PCBP3: variants seen among roughly 807,000 people sequenced by gnomAD.
PCBP3 encodes the protein poly(rC)-binding protein 3.
Under a neutral mutation model 52.7 loss-of-function variants are expected in PCBP3, and 25 were observed. That is an observed-to-expected ratio of 0.47 (90% CI 0.35 to 0.66). The LOEUF (loss-of-function observed/expected upper bound fraction) is 0.66, where lower values mean the gene tolerates loss of function less well. PCBP3 is among the 30% of genes least tolerant of loss of function. PCBP3 has a pLI of 0.01. For synonymous variants in PCBP3, 162 were observed against 183.0 expected (o/e 0.89, Z 0.93); for missense variants, 391 against 490.3 (o/e 0.80, Z 1.91).
intron 2 of PCBP3, among the ~76,000 whole-genome samples, chr21:45,690,733 C>A (rs2082413077): frequency 6.6e-6 from 1 of 151,934 alleles, no homozygotes; most frequent in South Asian, 2.1e-4. Flanking sequence ...CATTAGTCTT[C>A]AGGAAAATGA....
At chr21:45,758,428 T>C (rs2088287644) in intron 4 of PCBP3, among the ~76,000 whole-genome samples, 1 of 152,206 alleles carries the variant, frequency 6.6e-6, no homozygotes, top group Non-Finnish European at 1.5e-5. Context: ...TATGAAGTCT[T>C]TCAGTCAGGA....
chr21:45,716,887 A>T (rs1276962760), intron 2 of PCBP3, among the ~76,000 whole-genome samples: 1 of 152,128 alleles, frequency 6.6e-6, no homozygotes, highest in Non-Finnish European at 1.5e-5. Flanking sequence ...CAGCTTGTCA[A>T]TTTCTGTCAG....
chr21:45,896,192 T>G lies in PCBP3; in HGVS notation c.11-16T>G, dbSNP rs1286243765. 1 of 1,550,630 alleles carries G rather than the reference T, an allele frequency of 6.4e-7. No homozygotes were observed. Among genetic ancestry groups the G allele is most frequent in the Non-Finnish European group, 8.7e-7 (1 of 1,146,776 alleles). On this transcript the variant is annotated splice_polypyrimidine_tract_variant and intron_variant, in intron 5 of 17. Coordinates refer to ENST00000681687, the MANE Select transcript of PCBP3 (RefSeq NM_001384156.1). ...TGAGACTCTTCTCTAGCAGCAGCTG[T>G]GCCTTCTCTCTCCAGGTGACGCCTT...
chr21:45,907,858 G>T (rs374830424), intron 9 of PCBP3, among the ~76,000 whole-genome samples: 3 of 151,578 alleles, frequency 2.0e-5, no homozygotes, highest in East Asian at 1.9e-4. Context: ...AGGACGGGGC[G>T]GGGGGAGTGC....
intron 2 of PCBP3, among the ~76,000 whole-genome samples, chr21:45,702,182 A>G (rs922727455): frequency 1.3e-5 from 2 of 152,240 alleles, no homozygotes; most frequent in African/African-American, 4.8e-5. Flanking sequence ...CTGAAACACT[A>G]TCAGTAAACT....
chr21:45,750,595 C>T (rs2087381355), intron 3 of PCBP3: 1 of 152,300 alleles, frequency 6.6e-6, no homozygotes, highest in Non-Finnish European at 1.5e-5. Context: ...CTTCCTTTCT[C>T]TTCCTGCTAC....
At chr21:45,707,371 C>T (rs2083518374) in intron 2 of PCBP3, among the ~76,000 whole-genome samples, 1 of 151,920 alleles carries the variant, frequency 6.6e-6, no homozygotes, top group African/African-American at 2.4e-5. Flanking sequence ...CAAAAATTGT[C>T]TGGGCGTGAT....
intron 2 of PCBP3, among the ~76,000 whole-genome samples, chr21:45,719,776 T>A (rs985260767): frequency 6.6e-6 from 1 of 152,192 alleles, no homozygotes; most frequent in East Asian, 1.9e-4. Flanking sequence ...AGGTATTTCT[T>A]CATAGCAGTG....
rs1008684730 is a variant in PCBP3 at position 45,928,252 on chromosome 21, G to A, written c.718-1665G>A. On this transcript the variant is annotated intron_variant, in intron 13 of 17. Transcript: ENST00000681687. The surrounding 1 kb of genome is among the most constrained non-coding windows in gnomAD (Gnocchi z 4.1). ...AGCTCTCCTGGCACCCTCGTCAGGG[G>A]CTTCCACACACATCCCCTCAGATAA... Among the ~76,000 whole-genome samples, 13 of 152,194 alleles carry A rather than the reference G, an allele frequency of 8.5e-5. No individual in the cohort carries two copies. Among genetic ancestry groups the A allele is most frequent in the African/African-American group, 3.1e-4 (13 of 41,466 alleles).
chr21:45,931,545 G>T (rs113689379), intron 15 of PCBP3, among the ~76,000 whole-genome samples: 1 of 152,246 alleles, frequency 6.6e-6, no homozygotes, highest in East Asian at 1.9e-4. Context: ...GACTTCCAGC[G>T]TGGGCTTGGA....
chr21:45,903,161 A>T (rs987915231), intron 9 of PCBP3, among the ~76,000 whole-genome samples: 4 of 152,054 alleles, frequency 2.6e-5, no homozygotes, highest in Non-Finnish European at 5.9e-5. Context: ...TGTCTGGTGG[A>T]GGCATATGGA....
chr21:45,702,819 A>G (rs1471537405), intron 2 of PCBP3, among the ~76,000 whole-genome samples: 2 of 152,260 alleles, frequency 1.3e-5, no homozygotes, highest in African/African-American at 4.8e-5. Context: ...GCTGTTTGAT[A>G]GCCTTTCACC....
chr21:45,674,687 G>A (rs2081362246), intron 2 of PCBP3, among the ~76,000 whole-genome samples: 1 of 152,202 alleles, frequency 6.6e-6, no homozygotes, highest in South Asian at 2.1e-4. Context: ...TGGTTTAATA[G>A]TCTTTTTCAA....
chr21:45,701,505 C>T (rs925220853), intron 2 of PCBP3, among the ~76,000 whole-genome samples: 1 of 152,184 alleles, frequency 6.6e-6, no homozygotes, highest in Non-Finnish European at 1.5e-5. Flanking sequence ...AATTCATTTA[C>T]AATAATAATG....
intron 5 of PCBP3, chr21:45,873,326 AAAC>A (rs1278301700): frequency 3.3e-5 from 5 of 152,192 alleles, no homozygotes; most frequent in Non-Finnish European, 7.3e-5. Flanking sequence ...CCTTGTCATT[AAAC>A]AACTGCATGT....
At chr21:45,815,445 G>A (rs1243449561) in intron 4 of PCBP3, among the ~76,000 whole-genome samples, 4 of 109,220 alleles carry the variant, frequency 3.7e-5, no homozygotes, top group Non-Finnish European at 5.6e-5. Flanking sequence ...TGAGTCAGTG[G>A]TGAGTGGTGA....
At chr21:45,775,885 C>T (rs1457851661) in intron 4 of PCBP3, among the ~76,000 whole-genome samples, 1 of 152,080 alleles carries the variant, frequency 6.6e-6, no homozygotes, top group African/African-American at 2.4e-5. Flanking sequence ...ATTTGGGGTT[C>T]AGTTTGTTTT....
chr21:45,839,888 T>A (rs183292188), intron 4 of PCBP3, among the ~76,000 whole-genome samples: 138 of 152,152 alleles, frequency 9.1e-4, no homozygotes, highest in African/African-American at 3.3e-3. Context: ...GGTTTCACCA[T>A]GTTGGTCAGC....
intron 9 of PCBP3, among the ~76,000 whole-genome samples, chr21:45,903,508 G>A (rs2096120551): frequency 6.6e-6 from 1 of 152,078 alleles, no homozygotes; most frequent in Non-Finnish European, 1.5e-5. Context: ...GCATCCCTGG[G>A]GCCTGGTGGT....
Sources: allele counts gnomAD v4.1 joint callset (sites outside exome capture counted in the v4.1 genomes callset), GRCh38; gene constraint gnomAD v4.1.1; non-coding constraint Gnocchi (gnomAD v3.1); transcripts MANE v1.5; gene names NCBI Gene and HGNC (gene_info 2026-07-23, HGNC 2026-07-21).